Variants in CYP4F11 observed in about 807,000 individuals in gnomAD.
CYP4F11 encodes the protein cytochrome P450 family 4 subfamily F member 11, also known as cytochrome P450 4F11.
A neutral mutation model predicts 62.2 loss-of-function variants in CYP4F11; 79 were observed. That is an observed-to-expected ratio of 1.27 (90% CI 1.06 to 1.53). The LOEUF is 1.53. Ranked by LOEUF, CYP4F11 falls within the 40% of genes most tolerant of loss-of-function variation. The pLI, the probability that CYP4F11 is intolerant of heterozygous loss-of-function variation, is 0.00. For synonymous variants in CYP4F11, 290 were observed against 263.7 expected (o/e 1.10, Z -0.97); for missense variants, 777 against 680.5 (o/e 1.14, Z -1.58).
Position 15,922,442 on chromosome 19 carries a change from G to T in CYP4F11, c.919-12C>A. On this transcript the variant is annotated splice_polypyrimidine_tract_variant and intron_variant, in intron 6 of 11. Transcript: ENST00000402119. ...TTCCCATCTTCATCCTGGAGAGAAG[G>T]CAAGACAATATCCCTGCCCCAAATC... The T allele has an allele frequency of 1.2e-6, 2 of 1,613,844 alleles. No individual in the cohort carries two copies. Among genetic ancestry groups the T allele is most frequent in the Non-Finnish European group, 1.7e-6 (2 of 1,179,794 alleles).
At chr19:15,931,541 CGGGGAGAGGAAT>C (rs2089717480) in intron 1 of CYP4F11, among the ~76,000 whole-genome samples, 2 of 73,270 alleles carry the variant, frequency 2.7e-5, no homozygotes, top group East Asian at 4.5e-4. Flanking sequence ...AATGAGTGAG[CGGGGAGAGGAAT>C]GAGTGAGCGA....
chr19:15,927,503 T>C lies in CYP4F11; in HGVS notation c.344-20A>G, dbSNP rs1286544313. The C allele has an allele frequency of 1.2e-6, 2 of 1,612,802 alleles. No individual in the cohort carries two copies. Among genetic ancestry groups the C allele is most frequent in the East Asian group, 2.2e-5 (1 of 44,860 alleles). The stretch of plus-strand genomic sequence containing the variant: ...CAGCAGCTGACATGATTGAGGACCA[T>C]CAGTGGCCATGGAGAGGGGTGAGAG... On this transcript the variant is annotated intron_variant, in intron 2 of 11. Coordinates refer to ENST00000402119, the MANE Select transcript of CYP4F11 (RefSeq NM_021187.4).
intron 8 of CYP4F11, among the ~76,000 whole-genome samples, chr19:15,915,947 A>G (rs1383892892): frequency 6.6e-6 from 1 of 151,954 alleles, no homozygotes; most frequent in Non-Finnish European, 1.5e-5. Context: ...TATCTGAATT[A>G]AATTTTAACA....
Position 15,932,432 on chromosome 19 carries a change from A to G in CYP4F11, c.198+1779T>C, listed in dbSNP as rs201004344. 1.1e-4 allele frequency among the ~76,000 whole-genome samples: 7 copies of G among 61,854 alleles called. 1 individual carries two copies. Among genetic ancestry groups the G allele is most frequent in the South Asian group, 5.1e-4 (1 of 1,976 alleles). 40.6% of individuals were successfully genotyped at this position (61,854 alleles called of 152,430 possible). A position where few individuals can be genotyped will look rare whatever the true frequency, so the allele number is the denominator to read the frequency against. Reference sequence around the variant, plus strand: ...GAGGAATGAGTGAGCGAGGAGAGGAATGAGTGAGCGGGGAGAGGAATGAGT... The same window carrying G: ...GAGGAATGAGTGAGCGAGGAGAGGAGTGAGTGAGCGGGGAGAGGAATGAGT... On this transcript the variant is annotated intron_variant, in intron 1 of 11. Transcript: ENST00000402119.
intron 1 of CYP4F11, among the ~76,000 whole-genome samples, chr19:15,931,619 A>G (rs1383609515): frequency 3.5e-5 from 3 of 84,546 alleles, no homozygotes; most frequent in Admixed American, 1.1e-4. Flanking sequence ...GGAATGAGTG[A>G]GCGAGGAGAG....
At chr19:15,922,490 A>C in intron 6 of CYP4F11, 60 bp from the exon 7 acceptor site, 2 of 1,547,288 alleles carry the variant, frequency 1.3e-6, no homozygotes, top group Non-Finnish European at 1.8e-6. Context: ...AAGGCTCTTG[A>C]GTCAAACCTA....
chr19:15,922,107 C>G lies in CYP4F11; in HGVS notation c.1045G>C (p.Glu349Gln). 1.2e-6 allele frequency: 2 copies of G among 1,614,110 alleles called. No homozygotes were observed. Among genetic ancestry groups the G allele is most frequent in the Non-Finnish European group, 1.7e-6 (2 of 1,179,984 alleles). ...TCTTGCCGGCACTGTTCCTGGTATTCTGGGTGCTTTGCAAGGTGGTATAGG... is the reference window on the plus strand; with the variant it reads ...TCTTGCCGGCACTGTTCCTGGTATTGTGGGTGCTTTGCAAGGTGGTATAGG... ...WVLYHLAKHP[E>Q]YQEQCRQEVQ... The change falls in exon 8 of 12, where the codon GAA becomes CAA. Residue 349 changes from glutamate to glutamine, a missense_variant. Physicochemically the swap from Glu to Gln is conservative, Grantham distance 29 (BLOSUM62 2). Transcript: ENST00000402119.
At chr19:15,920,890 T>C (rs781165367) in intron 8 of CYP4F11, among the ~76,000 whole-genome samples, 14 of 151,992 alleles carry the variant, frequency 9.2e-5, no homozygotes, top group Admixed American at 2.0e-4. Flanking sequence ...TCTGTTTCTG[T>C]CTTCCCTCTC....
rs372866020 is a variant in CYP4F11 at position 15,915,794 on chromosome 19, A to G, written c.1116-899T>C. Among the ~76,000 whole-genome samples the G allele has an allele frequency of 1.2e-4, 18 of 152,224 alleles. No individual in the cohort carries two copies. The East Asian group carries it at 1.7e-3, about 15-fold the overall frequency. ...TAGAGCTTTTAACAGCCTTTAAAAA[A>G]AACTATATACTTGAGTAATCTAAAC... On this transcript the variant is annotated intron_variant, in intron 8 of 11. Transcript: ENST00000402119.
intron 8 of CYP4F11, among the ~76,000 whole-genome samples, chr19:15,920,186 A>G (rs1341006748): frequency 6.6e-6 from 1 of 152,228 alleles, no homozygotes; most frequent in Non-Finnish European, 1.5e-5. Flanking sequence ...ATAAATATAT[A>G]TAATCAAAAT....
At chr19:15,931,337 G>A (rs913981202) in intron 1 of CYP4F11, among the ~76,000 whole-genome samples, 1 of 151,808 alleles carries the variant, frequency 6.6e-6, no homozygotes, top group African/African-American at 2.4e-5. Flanking sequence ...CTGGACAGTA[G>A]ACTCAGGAGG....
intron 8 of CYP4F11, among the ~76,000 whole-genome samples, chr19:15,919,473 T>TAGAC (rs1405497459): frequency 9.6e-5 from 6 of 62,634 alleles, no homozygotes; most frequent in Non-Finnish European, 2.1e-4. Flanking sequence ...GACAGATGTA[T>TAGAC]AGATAGATAG....
rs1458161282 is a variant in CYP4F11 at position 15,924,184 on chromosome 19, C to T, written c.648-102G>A. On this transcript the variant is annotated intron_variant, in intron 5 of 11. Transcript: ENST00000402119. ...CATCAGGAAATTGAGTATCCAGAAA[C>T]AGCCAGGAGACTTGACTCTCCAAAC... 35 of 1,416,368 alleles carry T rather than the reference C, an allele frequency of 2.5e-5. No individual in the cohort carries two copies. The East Asian group carries it at 7.8e-4, about 31-fold the overall frequency. 87.7% of individuals were successfully genotyped at this position (1,416,368 alleles called of 1,614,324 possible).
At chr19:15,919,536 G>A (rs368244311) in intron 8 of CYP4F11, among the ~76,000 whole-genome samples, 1 of 137,964 alleles carries the variant, frequency 7.2e-6, no homozygotes, top group Non-Finnish European at 1.6e-5. Flanking sequence ...AGATAGATAA[G>A]CAGACAGTTA....
intron 8 of CYP4F11, among the ~76,000 whole-genome samples, chr19:15,919,281 T>C (rs2089604920): frequency 6.7e-6 from 1 of 148,460 alleles, no homozygotes; most frequent in Non-Finnish European, 1.5e-5. Flanking sequence ...ATATATTTCA[T>C]TGACTCCTAT....
At position 15,914,380 on chromosome 19, in the gene CYP4F11, T is replaced by A. The variant is rs2089564836; in HGVS notation, c.1322A>T (p.Asp441Val). 6.2e-7 allele frequency: 1 copy of A among 1,613,096 alleles called. No individual in the cohort carries two copies. Among genetic ancestry groups the A allele is most frequent in the African/African-American group, 1.3e-5 (1 of 74,654 alleles). ...GTTCTCTTGGTCGAAACGGAAGGGG[T>A]CGTAGACCTGCAGGTGAGACCAAGA... ...PTVWPDPEVY[D>V]PFRFDQENIK... is the part of the protein sequence containing the mutation. Residue 441 changes from aspartate to valine, a missense_variant, in exon 11 of 12, where the codon GAC becomes GTC. Transcript: ENST00000402119.
intron 8 of CYP4F11, among the ~76,000 whole-genome samples, chr19:15,919,994 G>A (rs2089613372): frequency 6.6e-6 from 1 of 152,108 alleles, no homozygotes; most frequent in East Asian, 1.9e-4. Context: ...AAAGTTTTGA[G>A]ATCTATTATA....
intron 8 of CYP4F11, among the ~76,000 whole-genome samples, chr19:15,921,833 A>C (rs11086012): frequency 0.74 from 111,943 of 152,012 alleles, 41,518 homozygotes; most frequent in Non-Finnish European, 0.76. Flanking sequence ...ATGCTGTCAC[A>C]AATTCTCCCA....
At chr19:15,929,417 T>A (rs371072501) in intron 2 of CYP4F11, 40 bp downstream of exon 2, 1 of 1,613,384 alleles carries the variant, frequency 6.2e-7, no homozygotes, top group Non-Finnish European at 8.5e-7. Context: ...AGGCCTTTGA[T>A]GTTTCCCAGC....
Sources: allele counts gnomAD v4.1 joint callset (sites outside exome capture counted in the v4.1 genomes callset), GRCh38; gene constraint gnomAD v4.1.1; transcripts MANE v1.5; gene names NCBI Gene and HGNC (gene_info 2026-07-23, HGNC 2026-07-21).